Variants in TAOK3 observed in about 807,000 individuals in gnomAD.
The protein encoded by TAOK3 is serine/threonine-protein kinase TAO3.
Under a neutral mutation model 120.4 loss-of-function variants are expected in TAOK3, and 40 were observed. That is an observed-to-expected ratio of 0.33 (90% CI 0.26 to 0.43). The LOEUF (loss-of-function observed/expected upper bound fraction) is 0.43. Ranked by LOEUF, TAOK3 falls within the 20% of genes least tolerant of loss-of-function variation. The pLI is 1.00. For missense variants in TAOK3, 821 were observed against 1,112.1 expected (o/e 0.74, Z 3.72); for synonymous variants, 355 against 387.5 (o/e 0.92, Z 0.99).
chr12:118,181,488 C>T lies in TAOK3; in HGVS notation c.1449G>A (p.Lys483=). ...TGAGGCGGTGCTCGTCCATCTCAGC[C>T]TTCAGCTTGTTCTCCAGGGCGATCA... The part of the protein sequence containing the change: ...KQLIALENKL[K]AEMDEHRLKL... Residue 483 remains lysine, a synonymous_variant, in exon 15 of 21, where the codon AAG becomes AAA. Coordinates refer to ENST00000392533, the MANE Select transcript of TAOK3 (RefSeq NM_016281.4). 1 of 1,614,230 alleles carries T rather than the reference C, an allele frequency of 6.2e-7. No homozygotes were observed.
rs749139662 is a variant in TAOK3, at chr12:118,243,566, T to A, written c.193-50A>T. ...TTTAATTTAATTTTTGATAGGAAAA[T>A]AGTATTTCCTATCAAGTATACGTAT... On this transcript the variant is annotated intron_variant, in intron 4 of 20. Transcript: ENST00000392533. The A allele has an allele frequency of 1.1e-5, 8 of 716,596 alleles. No individual in the cohort carries two copies. The South Asian group carries it at 1.9e-4, about 17-fold the overall frequency. 44.4% of individuals were successfully genotyped at this position (716,596 alleles called of 1,614,324 possible). A position where few individuals can be genotyped will look rare whatever the true frequency, so the allele number is the denominator to read the frequency against.
chr12:118,345,389 A>T (rs1449988120), intron 1 of TAOK3, among the ~76,000 whole-genome samples: 3 of 152,224 alleles, frequency 2.0e-5, no homozygotes, highest in Non-Finnish European at 4.4e-5. Flanking sequence ...CATAACCAAG[A>T]AGTTTGAATG....
chr12:118,287,741 A>G (rs1566066674), intron 1 of TAOK3, among the ~76,000 whole-genome samples: 1 of 152,156 alleles, frequency 6.6e-6, no homozygotes, highest in Non-Finnish European at 1.5e-5. Context: ...ATTCAGATAC[A>G]CACATACACA....
At chr12:118,246,381 G>T (rs1222143039) in intron 3 of TAOK3, 1 of 1,585,528 alleles carries the variant, frequency 6.3e-7, no homozygotes, top group Admixed American at 1.8e-5. Flanking sequence ...CTTCCTGGGG[G>T]CCTCTCTCAA....
At chr12:118,357,422 A>T (rs1480722996) in intron 1 of TAOK3, among the ~76,000 whole-genome samples, 1 of 152,168 alleles carries the variant, frequency 6.6e-6, no homozygotes, top group Non-Finnish European at 1.5e-5. Context: ...GTGGCTTTCC[A>T]CAAAAGGGTC....
chr12:118,355,577 C>T (rs747130543), intron 1 of TAOK3, among the ~76,000 whole-genome samples: 7 of 152,168 alleles, frequency 4.6e-5, no homozygotes, highest in Non-Finnish European at 1.0e-4. Context: ...TAAATAAGAT[C>T]GGTGGATTTC....
intron 1 of TAOK3, among the ~76,000 whole-genome samples, chr12:118,315,610 T>C (rs988473033): frequency 2.0e-5 from 3 of 152,146 alleles, no homozygotes; most frequent in African/African-American, 7.2e-5. Context: ...TTTATTTCTT[T>C]AAAAAATTAA....
In TAOK3 at chr12:118,161,914, G is replaced by T. The variant is rs953186748; in HGVS notation, c.2013C>A (p.Arg671=). 1 of 1,613,918 alleles carries T rather than the reference G, an allele frequency of 6.2e-7. No homozygotes were observed. Among genetic ancestry groups the T allele is most frequent in the African/African-American group, 1.3e-5 (1 of 74,872 alleles). Residue 671 remains arginine, a synonymous_variant, in exon 18 of 21, where the codon CGC becomes CGA. Coordinates refer to ENST00000392533, the MANE Select transcript of TAOK3 (RefSeq NM_016281.4). This position sits in a 1 kb window ranked among gnomAD's most constrained non-coding sequence, Gnocchi z 4.5. ...YRQLHTLQKL[R]MDLIRLQHQT... ...GGTGCTGTAAACGGATCAGATCCATGCGTAGCTTCTGTAACGTGTGCAGCT... is the reference window on the plus strand; with the variant it reads ...GGTGCTGTAAACGGATCAGATCCATTCGTAGCTTCTGTAACGTGTGCAGCT...
chr12:118,301,853 A>G (rs1163139634), intron 1 of TAOK3, among the ~76,000 whole-genome samples: 3 of 151,872 alleles, frequency 2.0e-5, no homozygotes, highest in Non-Finnish European at 4.4e-5. Flanking sequence ...AAAAAAAAAA[A>G]AAAAAAAAAA....
intron 1 of TAOK3, among the ~76,000 whole-genome samples, chr12:118,304,885 C>A (rs12228425): frequency 6.6e-6 from 1 of 152,124 alleles, no homozygotes; most frequent in Non-Finnish European, 1.5e-5. Context: ...CAACACGACA[C>A]CTGGAGTGAA....
chr12:118,255,375 G>T, intron 3 of TAOK3, 73 bp downstream of exon 3: 2 of 1,535,244 alleles, frequency 1.3e-6, no homozygotes, highest in Non-Finnish European at 1.8e-6. Context: ...TTACAGGCGT[G>T]AGTCACTGTG....
At chr12:118,152,183 C>T in intron 20 of TAOK3, 44 bp downstream of exon 20, 1 of 1,582,262 alleles carries the variant, frequency 6.3e-7, no homozygotes, top group Non-Finnish European at 8.6e-7. Context: ...CAGCCACGCC[C>T]CCTTCCACCC....
intron 1 of TAOK3, among the ~76,000 whole-genome samples, chr12:118,315,219 C>G (rs539483841): frequency 6.6e-6 from 1 of 152,204 alleles, no homozygotes; most frequent in East Asian, 1.9e-4. Context: ...GCCACCACAC[C>G]CAGCAGAAAA....
chr12:118,289,294 C>T (rs141575308), intron 1 of TAOK3, among the ~76,000 whole-genome samples: 2 of 75,084 alleles, frequency 2.7e-5, no homozygotes, highest in Admixed American at 1.5e-4. Flanking sequence ...CCAAGACTGT[C>T]TCAAAAAAAA....
At chr12:118,332,598 T>C (rs568095996) in intron 1 of TAOK3, among the ~76,000 whole-genome samples, 1 of 152,244 alleles carries the variant, frequency 6.6e-6, no homozygotes, top group Non-Finnish European at 1.5e-5. Context: ...TTTTGCTGCA[T>C]TCTTTCCTTA....
chr12:118,248,808 A>G (rs1446468775), intron 3 of TAOK3, among the ~76,000 whole-genome samples: 1 of 152,186 alleles, frequency 6.6e-6, no homozygotes, highest in Non-Finnish European at 1.5e-5. Context: ...TTAGAACTTA[A>G]TGCTTCCACT....
intron 1 of TAOK3, among the ~76,000 whole-genome samples, chr12:118,334,156 A>G (rs2044267402): frequency 1.3e-5 from 2 of 149,406 alleles, no homozygotes; most frequent in South Asian, 2.1e-4. Flanking sequence ...AAAAAAAAAA[A>G]GAAAAAAGAA....
In TAOK3 at chr12:118,206,122, T is replaced by G. The variant is rs149369074; in HGVS notation, c.820-4659A>C. On this transcript the variant is annotated intron_variant, in intron 11 of 20. Transcript: ENST00000392533. ...ACAAGGTGTTTTACCCTTTGTTCTC[T>G]CTCCTTCTTCCTGCCTGGAATGAAA... 3.0e-3 allele frequency among the ~76,000 whole-genome samples: 455 copies of G among 152,276 alleles called. 8 individuals are homozygous for G. Among genetic ancestry groups the G allele is most frequent in the Middle Eastern group, 0.01 (3 of 294 alleles).
intron 1 of TAOK3, among the ~76,000 whole-genome samples, chr12:118,347,390 G>A (rs2044910334): frequency 6.6e-6 from 1 of 151,982 alleles, no homozygotes; most frequent in Non-Finnish European, 1.5e-5. Flanking sequence ...TCAATCCGCA[G>A]TTGCTTCCTC....
Sources: gnomAD v4.1 joint callset for allele counts (sites outside exome capture counted in the v4.1 genomes callset) on GRCh38, gnomAD v4.1.1 for gene constraint, Gnocchi (gnomAD v3.1) non-coding constraint, MANE v1.5 for transcripts, NCBI Gene and HGNC (gene_info 2026-07-23, HGNC 2026-07-21) for gene names.